Variants in CDK5RAP2 observed in about 807,000 individuals in gnomAD.
CDK5RAP2 encodes CDK5 regulatory subunit associated protein 2, also known as CDK5 regulatory subunit-associated protein 2.
A neutral mutation model predicts 232.9 loss-of-function variants in CDK5RAP2; 147 were observed. The ratio of observed to expected loss-of-function variants is 0.63; its 90% CI spans 0.55 to 0.72. The LOEUF (loss-of-function observed/expected upper bound fraction) is 0.72. Ranked by LOEUF, CDK5RAP2 falls within the 30% of genes least tolerant of loss-of-function variation. CDK5RAP2 has a pLI of 0.00. For synonymous variants in CDK5RAP2, 833 were observed against 833.7 expected (o/e 1.00, Z 0.01); for missense variants, 2,195 against 2,231.5 (o/e 0.98, Z 0.33).
At chr9:120,411,301 T>C in intron 29 of CDK5RAP2, 57 bp downstream of exon 29, 2 of 1,058,714 alleles carry the variant, frequency 1.9e-6, no homozygotes, top group Non-Finnish European at 3.0e-6. Context: ...CTGCATTCTT[T>C]CCATGACACA....
At chr9:120,465,608 A>AAAAT (rs374472143) in intron 18 of CDK5RAP2, among the ~76,000 whole-genome samples, 213 of 152,150 alleles carry the variant, frequency 1.4e-3, no homozygotes, top group African/African-American at 5.0e-3. Flanking sequence ...GGGGAGGGGG[A>AAAAT]AAATAAATAA....
chr9:120,476,123 C>T (rs145563635), intron 15 of CDK5RAP2, among the ~76,000 whole-genome samples: 1,669 of 151,980 alleles, frequency 0.011, 27 homozygotes, highest in African/African-American at 0.038. Context: ...CGATAAAGAG[C>T]TCACTATGGT....
Position 120,407,177 on chromosome 9 carries a change from C to T in CDK5RAP2, c.4798G>A (p.Ala1600Thr). 1.2e-6 allele frequency: 2 copies of T among 1,613,942 alleles called. No homozygotes were observed. Among genetic ancestry groups the T allele is most frequent in the Non-Finnish European group, 1.7e-6 (2 of 1,180,030 alleles). ...CTCCTTTCTAGTTGCAAGCGCAGAG[C>T]CTGGATCTCCATCAGGAGGCTGTGC... Reference protein sequence around the residue: ...DLHSLLMEIQALRLQLERSIE... With the variant: ...DLHSLLMEIQTLRLQLERSIE... The change falls in exon 32 of 38, where the codon GCT becomes ACT. Residue 1600 changes from alanine to threonine, a missense_variant. Coordinates refer to ENST00000349780, the MANE Select transcript of CDK5RAP2 (RefSeq NM_018249.6).
chr9:120,537,795 T>C lies in CDK5RAP2; in HGVS notation c.507+1246A>G, dbSNP rs143046501. 8.8e-4 allele frequency among the ~76,000 whole-genome samples: 134 copies of C among 152,294 alleles called. 1 individual carries two copies. The highest frequency in any genetic ancestry group is 1.6e-3 in the Non-Finnish European group (110 of 68,034). Reference sequence around the variant, plus strand: ...CCTGTCTATAAAGAGCTTAGAAGGATGTCTCACACAATGAAATGGTAAGCC... The same window carrying C: ...CCTGTCTATAAAGAGCTTAGAAGGACGTCTCACACAATGAAATGGTAAGCC... On this transcript the variant is annotated intron_variant, in intron 6 of 37. Coordinates refer to ENST00000349780, the MANE Select transcript of CDK5RAP2 (RefSeq NM_018249.6).
intron 25 of CDK5RAP2, among the ~76,000 whole-genome samples, chr9:120,433,437 G>C (rs918410484): frequency 4.6e-5 from 7 of 152,200 alleles, no homozygotes; most frequent in Non-Finnish European, 1.0e-4. Context: ...TCTTACAAAG[G>C]CTCCACCAAT....
Position 120,415,130 on chromosome 9 carries a change from G to T in CDK5RAP2, c.4207C>A (p.Arg1403=). Reference sequence around the variant, plus strand: ...TCTTCTAAACGCTTTCTCAAAGTTCGAATTTCCTGTATGTGTTCCATTAGT... The same window carrying T: ...TCTTCTAAACGCTTTCTCAAAGTTCTAATTTCCTGTATGTGTTCCATTAGT... The part of the protein sequence containing the change: ...DLLMEHIQEI[R]TLRKRLEESI... The change falls in exon 28 of 38, where the codon CGA becomes AGA. Residue 1403 remains arginine, a synonymous_variant. Transcript: ENST00000349780. 6.2e-7 allele frequency: 1 copy of T among 1,614,060 alleles called. No individual in the cohort carries two copies.
chr9:120,418,582 C>A (rs929987850), intron 27 of CDK5RAP2, among the ~76,000 whole-genome samples: 1 of 152,122 alleles, frequency 6.6e-6, no homozygotes. Flanking sequence ...GACAGGGAAA[C>A]AATTCGTGGT....
At chr9:120,559,752 A>G (rs1057478745) in intron 3 of CDK5RAP2, among the ~76,000 whole-genome samples, 4 of 152,106 alleles carry the variant, frequency 2.6e-5, no homozygotes, top group African/African-American at 9.7e-5. Context: ...TTACTGTGGA[A>G]GTGCAGCCAT....
At chr9:120,541,581 T>C (rs1564359102) in intron 5 of CDK5RAP2, among the ~76,000 whole-genome samples, 1 of 152,254 alleles carries the variant, frequency 6.6e-6, no homozygotes, top group Non-Finnish European at 1.5e-5. Context: ...TCGTTTTTTA[T>C]GTCCCCTTAT....
At chr9:120,463,370 C>CA (rs750285587) in intron 18 of CDK5RAP2, among the ~76,000 whole-genome samples, 13 of 152,008 alleles carry the variant, frequency 8.6e-5, no homozygotes, top group Non-Finnish European at 1.9e-4. Context: ...GACTCCATCT[C>CA]AAAAAACAAA....
chr9:120,440,376 T>C (rs764461196), intron 23 of CDK5RAP2: 13 of 280,520 alleles, frequency 4.6e-5, no homozygotes, highest in Non-Finnish European at 6.9e-5. Flanking sequence ...AAATTAACCA[T>C]GATTCCCTGC....
intron 25 of CDK5RAP2, among the ~76,000 whole-genome samples, chr9:120,436,186 T>C (rs2035566435): frequency 6.6e-6 from 1 of 152,152 alleles, no homozygotes; most frequent in South Asian, 2.1e-4. Context: ...AAGAACAAAA[T>C]AATCTCTTAT....
chr9:120,478,919 T>C (rs1290144706), intron 14 of CDK5RAP2, among the ~76,000 whole-genome samples: 1 of 152,246 alleles, frequency 6.6e-6, no homozygotes, highest in Non-Finnish European at 1.5e-5. Flanking sequence ...ATGGTGATCA[T>C]TTCACAATGT....
At chr9:120,411,258 G>C (rs2033826987) in intron 29 of CDK5RAP2, 100 bp downstream of exon 29, 3 of 790,848 alleles carry the variant, frequency 3.8e-6, no homozygotes, top group South Asian at 1.4e-5. Context: ...CAGAGCCACA[G>C]GATTCATACT....
intron 22 of CDK5RAP2, among the ~76,000 whole-genome samples, chr9:120,445,498 A>G (rs1034593397): frequency 6.6e-6 from 1 of 152,154 alleles, no homozygotes; most frequent in African/African-American, 2.4e-5. Context: ...CTCTCTCTGC[A>G]ACCCATGCCA....
chr9:120,508,339 G>A (rs2039928051), intron 12 of CDK5RAP2, among the ~76,000 whole-genome samples: 1 of 152,152 alleles, frequency 6.6e-6, no homozygotes, highest in Non-Finnish European at 1.5e-5. Context: ...GTGGAGGTGG[G>A]TGCCAGGCCT....
At chr9:120,525,254 G>A (rs536732808) in intron 10 of CDK5RAP2, among the ~76,000 whole-genome samples, 176 bp from the exon 11 acceptor site, 3 of 152,302 alleles carry the variant, frequency 2.0e-5, no homozygotes, top group African/African-American at 7.2e-5. Flanking sequence ...TTCAGGCAAG[G>A]TACTTAACAT....
chr9:120,439,300 TCA>T, intron 24 of CDK5RAP2, 97 bp downstream of exon 24: 1 of 1,050,940 alleles, frequency 9.5e-7, no homozygotes, highest in Non-Finnish European at 1.5e-6. Context: ...ACTCTACCCA[TCA>T]CAGAGTAGTG....
At chr9:120,489,685 T>C (rs1356741769) in intron 13 of CDK5RAP2, among the ~76,000 whole-genome samples, 1 of 152,230 alleles carries the variant, frequency 6.6e-6, no homozygotes, top group African/African-American at 2.4e-5. Context: ...TGTCAGAGCC[T>C]TATCCAAAGG....
Sources: gnomAD v4.1 joint callset for allele counts (sites outside exome capture counted in the v4.1 genomes callset) on GRCh38, gnomAD v4.1.1 for gene constraint, MANE v1.5 for transcripts, NCBI Gene and HGNC (gene_info 2026-07-23, HGNC 2026-07-21) for gene names.